Variants in CPQ observed in about 807,000 individuals in gnomAD.
CPQ encodes the protein carboxypeptidase Q.
CPQ carries 37 observed loss-of-function variants against 45.7 expected under a neutral mutation model. The ratio of observed to expected loss-of-function variants is 0.81; its 90% CI spans 0.62 to 1.07. The LOEUF is 1.07. CPQ is among the 50% of genes least tolerant of loss of function. The pLI is 0.00. For missense variants in CPQ, 537 were observed against 572.9 expected (o/e 0.94, Z 0.64); for synonymous variants, 186 against 205.8 (o/e 0.90, Z 0.82).
rs534364929 is a variant in CPQ, at chr8:96,949,547, G to T, written c.850-16388G>T. 7.9e-5 allele frequency among the ~76,000 whole-genome samples: 12 copies of T among 152,190 alleles called. No homozygotes were observed. In the East Asian group the frequency reaches 2.3e-3, roughly 29 times the overall value. ...GGGATATCACATACTCTGTTATCAA[G>T]CGAGCAGGTGGTTTGATTCTGTGCC... On this transcript the variant is annotated intron_variant, in intron 4 of 7. Coordinates refer to ENST00000220763, the MANE Select transcript of CPQ (RefSeq NM_016134.4).
chr8:96,815,439 C>A (rs1032707579), intron 2 of CPQ, among the ~76,000 whole-genome samples: 3 of 151,660 alleles, frequency 2.0e-5, no homozygotes, highest in African/African-American at 7.3e-5. Flanking sequence ...AAAATACATA[C>A]AACTTAACAA....
intron 7 of CPQ, among the ~76,000 whole-genome samples, chr8:97,135,066 A>T (rs756899245): frequency 3.9e-5 from 6 of 152,164 alleles, no homozygotes; most frequent in Non-Finnish European, 7.4e-5. Context: ...AGTCCACCAG[A>T]GGTGTTGGTG....
At position 97,022,997 on chromosome 8, in the gene CPQ, AG is replaced by A. The variant is rs1032165666; in HGVS notation, c.962-6405del. ...TATACTGTATATAGTATATATATAC[AG>A]TATATATATACTATATATAGTATAT... On this transcript the variant is annotated intron_variant, in intron 5 of 7. Coordinates refer to ENST00000220763, the MANE Select transcript of CPQ (RefSeq NM_016134.4). 1.7e-4 allele frequency among the ~76,000 whole-genome samples: 24 copies of A among 141,624 alleles called. No homozygotes were observed. The East Asian group carries it at 4.7e-3, about 27-fold the overall frequency. 92.9% of individuals were successfully genotyped at this position (141,624 alleles called of 152,430 possible). A position where few individuals can be genotyped will look rare whatever the true frequency, so the allele number is the denominator to read the frequency against.
intron 7 of CPQ, among the ~76,000 whole-genome samples, chr8:97,120,627 T>A (rs1258473130): frequency 6.6e-6 from 1 of 152,238 alleles, no homozygotes; most frequent in Non-Finnish European, 1.5e-5. Context: ...AGATGAAGAA[T>A]ACAATGCACT....
intron 5 of CPQ, among the ~76,000 whole-genome samples, chr8:96,979,090 T>C (rs1297008066): frequency 6.7e-6 from 1 of 150,346 alleles, no homozygotes; most frequent in Non-Finnish European, 1.5e-5. Flanking sequence ...TGAAAGTACA[T>C]AGTTTGAGGA....
intron 6 of CPQ, among the ~76,000 whole-genome samples, chr8:97,064,169 G>A (rs535355732): frequency 1.3e-5 from 2 of 152,238 alleles, no homozygotes; most frequent in African/African-American, 4.8e-5. Flanking sequence ...AATGGGATCT[G>A]CCTGCAATAT....
chr8:97,012,643 C>A (rs1180042718), intron 5 of CPQ, among the ~76,000 whole-genome samples: 1 of 152,122 alleles, frequency 6.6e-6, no homozygotes, highest in African/African-American at 2.4e-5. Flanking sequence ...AGACAATATT[C>A]CCCTGAGGTT....
At position 96,879,982 on chromosome 8, in the gene CPQ, A is replaced by G. The variant is rs1167349353; in HGVS notation, c.826A>G (p.Thr276Ala). The part of the protein sequence containing the change: ...TDSFNTVAEI[T>A]GSKYPEQVVL... ...TTCCTTCAACACTGTAGCAGAGATC[A>G]CTGGGAGCAAATATCCAGAACAGGT... The change falls in exon 4 of 8, where the codon ACT becomes GCT. Residue 276 changes from threonine to alanine, a missense_variant. By Grantham distance (58) the Thr-to-Ala change is moderately conservative (BLOSUM62 0). Coordinates refer to ENST00000220763, the MANE Select transcript of CPQ (RefSeq NM_016134.4). 4 of 1,613,938 alleles carry G rather than the reference A, an allele frequency of 2.5e-6. No homozygotes were observed. Among genetic ancestry groups the G allele is most frequent in the Non-Finnish European group, 2.5e-6 (3 of 1,179,924 alleles).
intron 3 of CPQ, among the ~76,000 whole-genome samples, chr8:96,875,839 C>T (rs1390214768): frequency 6.6e-6 from 1 of 151,652 alleles, no homozygotes; most frequent in Non-Finnish European, 1.5e-5. Context: ...TTAAAAAAAG[C>T]AGCTGGAATT....
intron 2 of CPQ, among the ~76,000 whole-genome samples, chr8:96,800,180 T>C (rs144773468): frequency 4.9e-4 from 74 of 152,204 alleles, no homozygotes; most frequent in African/African-American, 1.7e-3. Flanking sequence ...GTAGTCCTAA[T>C]AGAAAAATGG....
chr8:96,738,546 G>A (rs1810027583), intron 1 of CPQ, among the ~76,000 whole-genome samples: 1 of 151,776 alleles, frequency 6.6e-6, no homozygotes. Context: ...TGCCATGCTG[G>A]TGCACTGCAC....
At chr8:96,889,942 T>G (rs1812351871) in intron 4 of CPQ, among the ~76,000 whole-genome samples, 1 of 152,140 alleles carries the variant, frequency 6.6e-6, no homozygotes, top group African/African-American at 2.4e-5. Flanking sequence ...CAAAGACACA[T>G]CCAAGAATAA....
chr8:97,113,882 A>T (rs535613205), intron 7 of CPQ, among the ~76,000 whole-genome samples: 9 of 152,304 alleles, frequency 5.9e-5, no homozygotes, highest in African/African-American at 2.2e-4. Context: ...GCCTGTTCCA[A>T]CTGTGGAAAC....
intron 3 of CPQ, among the ~76,000 whole-genome samples, chr8:96,853,498 A>C (rs1811800665): frequency 6.6e-6 from 1 of 152,112 alleles, no homozygotes. Context: ...AGACCTTCTG[A>C]AAGAGCAATA....
chr8:96,985,578 A>G (rs914659793), intron 5 of CPQ, among the ~76,000 whole-genome samples: 3 of 152,188 alleles, frequency 2.0e-5, no homozygotes, highest in African/African-American at 4.8e-5. Flanking sequence ...AATCAGGACA[A>G]TGACCTGACT....
At chr8:96,940,864 G>T (rs59722229) in intron 4 of CPQ, among the ~76,000 whole-genome samples, 4,188 of 152,082 alleles carry the variant, frequency 0.028, 196 homozygotes, top group African/African-American at 0.095. Flanking sequence ...ATGCCTTCAG[G>T]AGACATTAAA....
intron 3 of CPQ, among the ~76,000 whole-genome samples, chr8:96,863,205 A>T (rs1173396656): frequency 6.6e-6 from 1 of 152,064 alleles, no homozygotes; most frequent in African/African-American, 2.4e-5. Context: ...GAATATAAGG[A>T]AACATGTTTG....
At chr8:97,065,033 C>G (rs2130526561) in intron 6 of CPQ, among the ~76,000 whole-genome samples, 1 of 152,268 alleles carries the variant, frequency 6.6e-6, no homozygotes, top group Middle Eastern at 3.4e-3. Context: ...TGTGAAAGCT[C>G]TCTGGACGCA....
At chr8:97,005,133 G>C (rs980052393) in intron 5 of CPQ, among the ~76,000 whole-genome samples, 1 of 151,800 alleles carries the variant, frequency 6.6e-6, no homozygotes, top group South Asian at 2.1e-4. Context: ...CCAGGCTGGA[G>C]TGTGGTGGTG....
Sources: allele counts gnomAD v4.1 joint callset (sites outside exome capture counted in the v4.1 genomes callset), GRCh38; gene constraint gnomAD v4.1.1; transcripts MANE v1.5; gene names NCBI Gene and HGNC (gene_info 2026-07-23, HGNC 2026-07-21).